Variants in LYPLAL1 observed in about 807,000 individuals in gnomAD.
LYPLAL1 encodes lysophospholipase-like protein 1.
In LYPLAL1, 23 loss-of-function variants were observed where a neutral mutation model predicts 19.7. That is an observed-to-expected ratio of 1.17 (90% CI 0.84 to 1.65). LYPLAL1 has a LOEUF of 1.65. Ranked by LOEUF, LYPLAL1 falls within the 40% of genes most tolerant of loss-of-function variation. The pLI is 0.00. For missense variants in LYPLAL1, 355 were observed against 279.4 expected (o/e 1.27, Z -1.93); for synonymous variants, 119 against 96.3 (o/e 1.24, Z -1.38).
the LYPLAL1 span, among the ~76,000 whole-genome samples, chr1:219,425,829 A>G: frequency 0.02 from 3,039 of 152,294 alleles, 39 homozygotes; most frequent in Middle Eastern, 0.068. Context: ...CGCTTGAGCT[A>G]TATGGTGGAT....
the LYPLAL1 span, among the ~76,000 whole-genome samples, chr1:219,228,947 A>G: frequency 6.6e-6 from 1 of 152,014 alleles, no homozygotes; most frequent in East Asian, 1.9e-4. Context: ...ACAAAGTGCT[A>G]GGATTACAGA....
the LYPLAL1 span, among the ~76,000 whole-genome samples, chr1:219,264,337 T>A: frequency 3.3e-5 from 5 of 152,206 alleles, no homozygotes; most frequent in African/African-American, 1.2e-4. Flanking sequence ...TGATAGAGTT[T>A]CTGGTCAGTT....
the LYPLAL1 span, among the ~76,000 whole-genome samples, chr1:219,442,358 C>A: frequency 1.3e-5 from 2 of 152,106 alleles, no homozygotes; most frequent in Admixed American, 6.6e-5. Context: ...TTTCCTTTTC[C>A]CTTAGTTCTC....
chr1:219,210,596 AG>A lies in LYPLAL1; in HGVS notation c.428del (p.Gly143GlufsTer9). 1 of 1,610,816 alleles carries A rather than the reference AG, an allele frequency of 6.2e-7. No homozygotes were observed. The highest frequency in any genetic ancestry group is 1.3e-5 in the African/African-American group (1 of 74,972). On this transcript the variant is annotated frameshift_variant, in exon 4 of 5. Transcript: ENST00000366928. LOFTEE classifies it high-confidence loss of function. ...LAYRNHQDVA[G>X]VFALSSFLNK... ...CATATAGAAATCATCAAGATGTGGC[AG>A]GAGTATTTGCTCTTTCTAGTTTTCT... is the stretch of plus-strand genomic sequence containing the variant.
chr1:219,437,448 C>T, the LYPLAL1 span, among the ~76,000 whole-genome samples: 1 of 152,118 alleles, frequency 6.6e-6, no homozygotes, highest in African/African-American at 2.4e-5. Flanking sequence ...AAGGACCTCA[C>T]TGTCTCTTAC....
the LYPLAL1 span, among the ~76,000 whole-genome samples, chr1:219,356,267 C>T: frequency 3.9e-5 from 6 of 151,912 alleles, no homozygotes; most frequent in African/African-American, 1.5e-4. Flanking sequence ...TTTGGGAGGC[C>T]GAGGTGGGCG....
chr1:219,244,420 T>C, the LYPLAL1 span, among the ~76,000 whole-genome samples: 2 of 152,026 alleles, frequency 1.3e-5, no homozygotes, highest in Admixed American at 1.3e-4. Context: ...ACCTGGAAAA[T>C]TCCACAGTGG....
chr1:219,262,758 CTG>C, the LYPLAL1 span, among the ~76,000 whole-genome samples: 1 of 152,192 alleles, frequency 6.6e-6, no homozygotes, highest in African/African-American at 2.4e-5. Context: ...GAAGTAGACT[CTG>C]TGAGAGTCCT....
the LYPLAL1 span, among the ~76,000 whole-genome samples, chr1:219,295,667 G>T: frequency 6.6e-6 from 1 of 152,008 alleles, no homozygotes; most frequent in African/African-American, 2.4e-5. Context: ...TTTTCAGATT[G>T]CCAGAGCCTT....
At chr1:219,276,900 T>C in the LYPLAL1 span, among the ~76,000 whole-genome samples, 1 of 152,192 alleles carries the variant, frequency 6.6e-6, no homozygotes, top group Non-Finnish European at 1.5e-5. Context: ...ATTGTCCCGA[T>C]GGTAGGATTG....
chr1:219,239,675 A>G, the LYPLAL1 span, among the ~76,000 whole-genome samples: 1 of 152,240 alleles, frequency 6.6e-6, no homozygotes, highest in African/African-American at 2.4e-5. Context: ...AAATGTGACA[A>G]TATAAACTCC....
the LYPLAL1 span, among the ~76,000 whole-genome samples, chr1:219,302,313 A>G: frequency 6.6e-6 from 1 of 152,330 alleles, no homozygotes; most frequent in East Asian, 1.9e-4. Flanking sequence ...CTTCTGGGCA[A>G]GTATTTTCAT....
the LYPLAL1 span, among the ~76,000 whole-genome samples, chr1:219,339,072 G>T: frequency 2.0e-5 from 3 of 151,760 alleles, no homozygotes; most frequent in African/African-American, 4.8e-5. Context: ...CTCATACCAC[G>T]TCTGGCCCTG....
intron 2 of LYPLAL1, among the ~76,000 whole-genome samples, chr1:219,187,171 A>G (rs1171580835): frequency 1.3e-5 from 2 of 151,714 alleles, no homozygotes; most frequent in African/African-American, 4.8e-5. Flanking sequence ...ACAGTCAACC[A>G]TATTTTAAAC....
the LYPLAL1 span, among the ~76,000 whole-genome samples, chr1:219,251,012 A>G: frequency 1.3e-5 from 2 of 152,046 alleles, no homozygotes; most frequent in African/African-American, 2.4e-5. Flanking sequence ...CTGGTGTGAG[A>G]TAGTATCTCA....
the LYPLAL1 span, among the ~76,000 whole-genome samples, chr1:219,431,728 G>A: frequency 7.0e-4 from 107 of 152,276 alleles, no homozygotes; most frequent in Non-Finnish European, 1.2e-3. Flanking sequence ...TCACTAAACA[G>A]TGTGTGTTAT....
chr1:219,224,648 A>G, the LYPLAL1 span, among the ~76,000 whole-genome samples: 2 of 152,172 alleles, frequency 1.3e-5, no homozygotes, highest in Non-Finnish European at 2.9e-5. Flanking sequence ...ATGGCTGAAA[A>G]TTCATATAAC....
chr1:219,201,800 C>G (rs1658125678), intron 3 of LYPLAL1, among the ~76,000 whole-genome samples: 1 of 152,144 alleles, frequency 6.6e-6, no homozygotes, highest in African/African-American at 2.4e-5. Flanking sequence ...ACAAAACACA[C>G]GTTTCTTGAC....
chr1:219,284,427 C>T, the LYPLAL1 span, among the ~76,000 whole-genome samples: 1 of 152,112 alleles, frequency 6.6e-6, no homozygotes, highest in Non-Finnish European at 1.5e-5. Context: ...ATGGATACCC[C>T]ATTTGTCCTG....
Sources: allele counts gnomAD v4.1 joint callset (sites outside exome capture counted in the v4.1 genomes callset), GRCh38; gene constraint gnomAD v4.1.1; transcripts MANE v1.5; gene names NCBI Gene and HGNC (gene_info 2026-07-23, HGNC 2026-07-21).